Variants in PDZD11 observed in about 807,000 individuals in gnomAD.
The protein encoded by PDZD11 is PDZ domain-containing protein 11.
In PDZD11, 2 loss-of-function variants were observed where a neutral mutation model predicts 13.7. That is an observed-to-expected ratio of 0.15 (90% confidence interval 0.06 to 0.46). The LOEUF (loss-of-function observed/expected upper bound fraction) is 0.46. Ranked by LOEUF, PDZD11 falls within the 20% of genes least tolerant of loss-of-function variation. The pLI is 0.98. For synonymous variants in PDZD11, 32 were observed against 37.5 expected, an observed-to-expected ratio of 0.85 and a Z score of 0.54; for missense variants, 44 against 111.7, an observed-to-expected ratio of 0.39 and a Z score of 2.73.
Position 70,287,719 on chromosome X carries a change from G to A in PDZD11, c.327+13C>T. The A allele has an allele frequency of 8.5e-7, 1 of 1,173,247 alleles. No homozygotes were observed. Among genetic ancestry groups the A allele is most frequent in the Non-Finnish European group, 1.2e-6 (1 of 860,497 alleles). On this transcript the variant is annotated intron_variant, in intron 5 of 6. Coordinates refer to ENST00000239666, the MANE Select transcript of PDZD11 (RefSeq NM_016484.5). ...GGCTTCTTGCAGCACCACAGCCCAA[G>A]TACTGTGCTCACCTTGCTGTGCTCA...
In PDZD11 at chrX:70,287,993, T is replaced by C. The variant is rs112772097; in HGVS notation, c.228+124A>G. On this transcript the variant is annotated intron_variant, in intron 4 of 6. Coordinates refer to ENST00000239666, the MANE Select transcript of PDZD11 (RefSeq NM_016484.5). ...AAAGTTTTAAGTGGGAAAGGGGGTG[T>C]CTCCATTATACCCCTTCTATGAATC... 2,078 of 701,314 alleles carry C rather than the reference T, an allele frequency of 3.0e-3. 33 individuals are homozygous for C. The African/African-American group carries it at 0.039, about 13-fold the overall frequency. The allele number at this position is 701,314 out of a possible 1,213,427, so 57.8% of individuals were successfully genotyped here.
At chrX:70,287,851 C>T in intron 4 of PDZD11, 21 bp from the exon 5 acceptor site, 1 of 1,076,838 alleles carries the variant, frequency 9.3e-7, no homozygotes, top group Non-Finnish European at 1.3e-6. Flanking sequence ...AGAGAGAATA[C>T]ATGTGATTGG....
In PDZD11 at chrX:70,287,276, T is replaced by C; in HGVS notation, c.388A>G (p.Asn130Asp). 1 of 1,208,168 alleles carries C rather than the reference T, an allele frequency of 8.3e-7. No individual in the cohort carries two copies. Among genetic ancestry groups the C allele is most frequent in the Non-Finnish European group, 1.1e-6 (1 of 892,492 alleles). Residue 130 changes from asparagine (N) to aspartate (D), a missense_variant and splice_region_variant, in exon 6 of 7, where the codon AAT (asparagine) becomes GAT (aspartate). Asn to Asp is a conservative substitution (Grantham distance 23). Transcript: ENST00000239666. ...AGTGAAAAAAGAAAGTGGCACTTAC[T>C]GTAGGGAAAGAAGCGCACACGCATG... ...ISMRVRFFPYNYHRQKERTVH is the reference protein window; with the variant it reads ...ISMRVRFFPYDYHRQKERTVH
Position 70,287,735 on chromosome X carries a change from G to A in PDZD11, c.324C>T (p.Ser108=), listed in dbSNP as rs1295763271. Residue 108 remains serine (S), a synonymous_variant, in exon 5 of 7, where the codon AGC becomes AGT. Coordinates refer to ENST00000239666, the MANE Select transcript of PDZD11 (RefSeq NM_016484.5). ...ACAGCCCAAGTACTGTGCTCACCTT[G>A]CTGTGCTCAATATCTTGGAAATCCA... ...NDVDFQDIEH[S]KAVEILKTAR... is the part of the protein sequence containing the mutation. 1.3e-5 allele frequency: 15 copies of A among 1,198,690 alleles called. No homozygotes were observed. Among genetic ancestry groups the A allele is most frequent in the Non-Finnish European group, 1.7e-5 (15 of 885,003 alleles).
intron 4 of PDZD11, 68 bp from the exon 5 acceptor site, chrX:70,287,898 G>T: frequency 2.3e-6 from 2 of 881,885 alleles, no homozygotes; most frequent in Non-Finnish European, 3.3e-6. Flanking sequence ...GTGAAATTCG[G>T]TGCTATTCAA....
chrX:70,289,306 C>T lies in PDZD11; in HGVS notation c.36G>A (p.Val12=). The part of the protein sequence containing the change: ...DSRIPYDDYP[V]VFLPAYENPP... ...GATTCTCATAGGCAGGCAAGAAAACCACCGGGTAGTCATCATAAGGAATCC... is the reference window on the plus strand; with the variant it reads ...GATTCTCATAGGCAGGCAAGAAAACTACCGGGTAGTCATCATAAGGAATCC... Residue 12 remains valine, a synonymous_variant, in exon 2 of 7, where the codon GTG becomes GTA. Coordinates refer to ENST00000239666, the MANE Select transcript of PDZD11 (RefSeq NM_016484.5). 8.3e-7 allele frequency: 1 copy of T among 1,209,895 alleles called. No homozygotes were observed. Among genetic ancestry groups the T allele is most frequent in the Non-Finnish European group, 1.1e-6 (1 of 894,545 alleles).
chrX:70,287,286 G>A lies in PDZD11; in HGVS notation c.378C>T (p.Phe126=). 8.3e-7 allele frequency: 1 copy of A among 1,208,701 alleles called. No individual in the cohort carries two copies. Among genetic ancestry groups the A allele is most frequent in the East Asian group, 3.0e-5 (1 of 33,823 alleles). The change falls in exon 6 of 7, where the codon TTC becomes TTT. Residue 126 remains phenylalanine, a synonymous_variant. Transcript: ENST00000239666. ...GAAAGTGGCACTTACTGTAGGGAAA[G>A]AAGCGCACACGCATGCTGATTTCAC... ...TAREISMRVR[F]FPYNYHRQKE...
At chrX:70,287,656 G>C in intron 5 of PDZD11, 76 bp downstream of exon 5, 1 of 773,598 alleles carries the variant, frequency 1.3e-6, no homozygotes, top group Admixed American at 2.3e-5. Context: ...TTAAGTTACA[G>C]ATTAGGCTAC....
At chrX:70,289,688 T>C (rs1023448674) in intron 1 of PDZD11, 172 bp downstream of exon 1, 19 of 214,225 alleles carry the variant, frequency 8.9e-5, no homozygotes, top group Non-Finnish European at 1.3e-4. Flanking sequence ...GAGTGTTAAC[T>C]ATCCGCAGGG....
intron 5 of PDZD11, 64 bp downstream of exon 5, chrX:70,287,668 C>T: frequency 1.2e-6 from 1 of 847,840 alleles, no homozygotes; most frequent in Non-Finnish European, 1.8e-6. Flanking sequence ...TTAGGCTACT[C>T]CTGTCCAATC....
rs772598937 is a variant in PDZD11, at chrX:70,289,025, G to A, written c.87+230C>T. Among the ~76,000 whole-genome samples the A allele has an allele frequency of 3.6e-5, 4 of 111,655 alleles. No homozygotes were observed. In the East Asian group the frequency reaches 1.1e-3, roughly 31 times the overall value. ...AACCTCTTAACAGTATGGAAATGAA[G>A]GCTCCAAATTTCCAGAATTAACCGG... On this transcript the variant is annotated intron_variant, in intron 2 of 6. Transcript: ENST00000239666.
At chrX:70,287,389 A>T in intron 5 of PDZD11, 53 bp from the exon 6 acceptor site, 7 of 1,038,664 alleles carry the variant, frequency 6.7e-6, no homozygotes, top group Non-Finnish European at 9.4e-6. Flanking sequence ...CCAAGACAGA[A>T]TCATAATAGG....
intron 3 of PDZD11, 33 bp from the exon 4 acceptor site, chrX:70,288,206 T>C: frequency 8.8e-7 from 1 of 1,138,570 alleles, no homozygotes; most frequent in Non-Finnish European, 1.2e-6. Context: ...GGGGGCTCAA[T>C]GGAGACCACA....
At chrX:70,288,940 G>A (rs1038365400) in intron 2 of PDZD11, among the ~76,000 whole-genome samples, 17 of 111,623 alleles carry the variant, frequency 1.5e-4, no homozygotes, top group Admixed American at 4.7e-4. Context: ...CCAACCTCAG[G>A]TGATCCGCCT....
rs1208186305 is a variant in PDZD11 at position 70,287,844 on chromosome X, G to A, written c.229-14C>T. 2.7e-6 allele frequency: 3 copies of A among 1,106,468 alleles called. No homozygotes were observed. Among genetic ancestry groups the A allele is most frequent in the Middle Eastern group, 2.4e-4 (1 of 4,111 alleles). 91.2% of individuals were successfully genotyped at this position (1,106,468 alleles called of 1,213,427 possible). A position where few individuals can be genotyped will look rare whatever the true frequency, so the allele number is the denominator to read the frequency against. ...GTCAGGAATCACCTGTTGGTAAAGA[G>A]AGAATACATGTGATTGGGATGCGAT... On this transcript the variant is annotated splice_polypyrimidine_tract_variant and intron_variant, in intron 4 of 6. Transcript: ENST00000239666.
chrX:70,289,649 C>T, intron 1 of PDZD11: 1 of 287,966 alleles, frequency 3.5e-6, no homozygotes, highest in Admixed American at 5.6e-5. Flanking sequence ...AGGGTCGAGT[C>T]TAAAAAGATC....
chrX:70,288,338 C>A (rs1208360062), intron 3 of PDZD11, 92 bp downstream of exon 3: 2 of 912,570 alleles, frequency 2.2e-6, no homozygotes, highest in African/African-American at 3.9e-5. Flanking sequence ...AAAGTTTCCT[C>A]ACATCTGCAC....
At chrX:70,288,405 C>T (rs377274379) in intron 3 of PDZD11, 25 bp downstream of exon 3, 3 of 1,182,971 alleles carry the variant, frequency 2.5e-6, no homozygotes, top group African/African-American at 3.5e-5. Context: ...TGAATCTAGC[C>T]TGAAATAAGG....
At chrX:70,288,768 A>AATCTCAGC (rs1290881530) in intron 2 of PDZD11, among the ~76,000 whole-genome samples, 1 of 105,391 alleles carries the variant, frequency 9.5e-6, no homozygotes, top group Non-Finnish European at 1.9e-5. Context: ...GCAATGGCTC[A>AATCTCAGC]ATCTCAGCTC....
Sources: gnomAD v4.1 joint callset for allele counts (sites outside exome capture counted in the v4.1 genomes callset) on GRCh38, gnomAD v4.1.1 for gene constraint, MANE v1.5 for transcripts, NCBI Gene and HGNC (gene_info 2026-07-23, HGNC 2026-07-21) for gene names.